RRAGB: variants seen among roughly 807,000 people sequenced by gnomAD.
RRAGB encodes the protein ras-related GTP-binding protein B.
In RRAGB, 6 loss-of-function variants were observed where a neutral mutation model predicts 29.3. That is an observed-to-expected ratio of 0.21 (90% CI 0.11 to 0.40). The LOEUF is 0.40. Among genes scored for constraint, RRAGB ranks in the 10% least tolerant of loss-of-function variants. The probability of loss-of-function intolerance (pLI) is 1.00; values close to 1 mark genes in which losing one functional copy is unlikely to be tolerated. For missense variants in RRAGB, 184 were observed against 272.9 expected (o/e 0.67, Z 2.29); for synonymous variants, 101 against 92.5 (o/e 1.09, Z -0.53).
intron 2 of RRAGB, 89 bp from the exon 3 acceptor site, chrX:55,722,097 C>A (rs1026281585): frequency 8.0e-6 from 4 of 502,508 alleles, no homozygotes; most frequent in East Asian, 3.4e-5. Flanking sequence ...AGGAAAATAT[C>A]AAATCCAGGA....
At chrX:55,718,775 T>A (rs2033151064) in intron 1 of RRAGB, among the ~76,000 whole-genome samples, 1 of 111,347 alleles carries the variant, frequency 9.0e-6, no homozygotes, top group African/African-American at 3.3e-5. Context: ...AGCTTGAGGG[T>A]GTTTTCTGTG....
At chrX:55,744,721 G>A (rs2034190498) in intron 5 of RRAGB, among the ~76,000 whole-genome samples, 1 of 112,461 alleles carries the variant, frequency 8.9e-6, no homozygotes, top group Non-Finnish European at 1.9e-5. Flanking sequence ...GGCATGTGCT[G>A]CAGTTCACAT....
intron 6 of RRAGB, chrX:55,752,107 T>TA: frequency 5.4e-6 from 2 of 367,049 alleles, no homozygotes; most frequent in Non-Finnish European, 7.0e-6. Flanking sequence ...TTTTTTTTTT[T>TA]AACTAATTCA....
Position 55,726,151 on chromosome X carries a change from TA to T in RRAGB, c.227-3132del, listed in dbSNP as rs58255567. On this transcript the variant is annotated intron_variant, in intron 3 of 9. Transcript: ENST00000374941. ...AGGTCCCAGGGATTAAGGAAAATGT[TA>T]AAAAAAAAAAGAAAAGCAACATGAG... Among the ~76,000 whole-genome samples, 313 of 103,513 alleles carry T rather than the reference TA, an allele frequency of 3.0e-3. 2 individuals carry two copies. Among genetic ancestry groups the T allele is most frequent in the African/African-American group, 0.011 (304 of 28,898 alleles). The allele number at this position is 103,513 out of a possible 115,157, so 89.9% of individuals were successfully genotyped here. A position where few individuals can be genotyped will look rare whatever the true frequency, so the allele number is the denominator to read the frequency against.
At chrX:55,755,709 G>C (rs1396725068) in intron 7 of RRAGB, 132 bp from the exon 8 acceptor site, 1 of 1,078,601 alleles carries the variant, frequency 9.3e-7, no homozygotes, top group Admixed American at 3.6e-5. Flanking sequence ...GAGGAAAAGA[G>C]ACAATAAGCC....
At chrX:55,726,980 T>G (rs1455081977) in intron 3 of RRAGB, among the ~76,000 whole-genome samples, 1 of 111,149 alleles carries the variant, frequency 9.0e-6, no homozygotes, top group African/African-American at 3.3e-5. Flanking sequence ...GCTCCAACAT[T>G]TAAGGGACAG....
At position 55,731,366 on chromosome X, in the gene RRAGB, A is replaced by T; in HGVS notation, c.296A>T (p.Gln99Leu). 1 of 1,200,595 alleles carries T rather than the reference A, an allele frequency of 8.3e-7. No individual in the cohort carries two copies. Among genetic ancestry groups the T allele is most frequent in the Non-Finnish European group, 1.1e-6 (1 of 886,719 alleles). ...LVLNLWDCGG[Q>L]DTFMENYFTS... ...TATATATATATTTTTTCTATCAGGC[A>T]AGACACCTTCATGGAAAATTATTTC... The change falls in exon 5 of 10, where the codon CAA becomes CTA. Residue 99 changes from glutamine to leucine, a missense_variant and splice_region_variant. Physicochemically the swap from Gln to Leu is moderately radical, Grantham distance 113. Coordinates refer to ENST00000374941, the MANE Select transcript of RRAGB (RefSeq NM_006064.5).
intron 5 of RRAGB, among the ~76,000 whole-genome samples, chrX:55,735,993 T>A (rs917768868): frequency 1.8e-5 from 2 of 112,377 alleles, no homozygotes; most frequent in African/African-American, 6.5e-5. Context: ...GTCTGATAGG[T>A]TTTCCTTTGT....
intron 5 of RRAGB, among the ~76,000 whole-genome samples, chrX:55,739,584 G>A (rs1044073699): frequency 8.9e-6 from 1 of 112,028 alleles, no homozygotes; most frequent in Non-Finnish European, 1.9e-5. Context: ...TGTGTATCAA[G>A]GAGACATTGT....
At position 55,734,252 on chromosome X, in the gene RRAGB, C is replaced by T. The variant is rs528603082; in HGVS notation, c.516+2666C>T. On this transcript the variant is annotated intron_variant, in intron 5 of 9. Transcript: ENST00000374941. Reference sequence around the variant, plus strand: ...TGCTGGGATTACAGGCTTGAGCCACCGTGCCCGGCTGGGTTTTTTTTTTTT... The same window carrying T: ...TGCTGGGATTACAGGCTTGAGCCACTGTGCCCGGCTGGGTTTTTTTTTTTT... Among the ~76,000 whole-genome samples the T allele has an allele frequency of 9.0e-4, 98 of 108,648 alleles. 3 individuals carry two copies. In the South Asian group the frequency reaches 0.037, roughly 41 times the overall value. 94.3% of individuals were successfully genotyped at this position (108,648 alleles called of 115,157 possible).
chrX:55,751,027 T>C (rs2034508362), intron 5 of RRAGB, 74 bp from the exon 6 acceptor site: 4 of 612,870 alleles, frequency 6.5e-6, no homozygotes, highest in Non-Finnish European at 9.9e-6. Context: ...TAAAATATGA[T>C]AAAATAACTA....
At chrX:55,751,060 A>G (rs2034509097) in intron 5 of RRAGB, 41 bp from the exon 6 acceptor site, 1 of 745,595 alleles carries the variant, frequency 1.3e-6, no homozygotes, top group Non-Finnish European at 2.0e-6. Flanking sequence ...AAAGATGGGA[A>G]CTATTATATG....
At chrX:55,725,676 CT>C (rs1330623638) in intron 3 of RRAGB, among the ~76,000 whole-genome samples, 1 of 111,295 alleles carries the variant, frequency 9.0e-6, no homozygotes. Flanking sequence ...TAGGGGGCTG[CT>C]AAAATGTATT....
At chrX:55,733,589 A>G (rs1569241351) in intron 5 of RRAGB, among the ~76,000 whole-genome samples, 1 of 112,044 alleles carries the variant, frequency 8.9e-6, no homozygotes, top group Non-Finnish European at 1.9e-5. Flanking sequence ...AATTCTGTTT[A>G]TATAGCAAAT....
chrX:55,755,471 C>G, intron 7 of RRAGB: 3 of 742,679 alleles, frequency 4.0e-6, no homozygotes, highest in Non-Finnish European at 4.8e-6. Context: ...ACCTCAAGAA[C>G]AGCTAGGAAT....
chrX:55,749,001 G>C (rs1374756926), intron 5 of RRAGB, among the ~76,000 whole-genome samples: 2 of 96,616 alleles, frequency 2.1e-5, no homozygotes, highest in East Asian at 7.3e-4. Context: ...CCCCATCCGG[G>C]AGGGAGGTGG....
intron 5 of RRAGB, among the ~76,000 whole-genome samples, chrX:55,748,967 T>G (rs1602068331): frequency 1.9e-5 from 1 of 51,825 alleles, no homozygotes. Context: ...GGTGGGGGAG[T>G]CAGCCCCCCC....
chrX:55,728,651 C>T (rs1359546341), intron 3 of RRAGB, among the ~76,000 whole-genome samples: 1 of 111,203 alleles, frequency 9.0e-6, no homozygotes, highest in Non-Finnish European at 1.9e-5. Context: ...AGTAGCCTGT[C>T]GGATGAAGTA....
At chrX:55,753,656 G>A (rs1176667726) in intron 7 of RRAGB, 142 bp downstream of exon 7, 1 of 549,714 alleles carries the variant, frequency 1.8e-6, no homozygotes, top group African/African-American at 2.3e-5. Flanking sequence ...TTATAAAATA[G>A]TATTGTCAGC....
Sources: allele counts gnomAD v4.1 joint callset (sites outside exome capture counted in the v4.1 genomes callset), GRCh38; gene constraint gnomAD v4.1.1; transcripts MANE v1.5; gene names NCBI Gene and HGNC (gene_info 2026-07-23, HGNC 2026-07-21).